SAMD12: variants seen among roughly 807,000 people sequenced by gnomAD.
SAMD12 encodes sterile alpha motif domain-containing protein 12.
SAMD12 carries 9 observed loss-of-function variants against 15.0 expected under a neutral mutation model. The observed-to-expected ratio is 0.60, with a 90% CI of 0.36 to 1.05. The LOEUF (loss-of-function observed/expected upper bound fraction) is 1.05, where lower values mean the gene tolerates loss of function less well. SAMD12 is among the 50% of genes least tolerant of loss of function. The probability of loss-of-function intolerance (pLI) is 0.01; values close to 1 mark genes in which losing one functional copy is unlikely to be tolerated. For missense variants in SAMD12, 230 were observed against 234.2 expected, an observed-to-expected ratio of 0.98 and a Z score of 0.12; for synonymous variants, 86 against 90.1, an observed-to-expected ratio of 0.96 and a Z score of 0.25.
intron 2 of SAMD12, among the ~76,000 whole-genome samples, chr8:118,550,594 T>C (rs1397287847): frequency 6.6e-6 from 1 of 152,118 alleles, no homozygotes; most frequent in African/African-American, 2.4e-5. Context: ...GTAAAGACCA[T>C]CAAGACTAGG....
At chr8:118,603,190 G>C (rs558386366) in intron 1 of SAMD12, among the ~76,000 whole-genome samples, 1 of 152,092 alleles carries the variant, frequency 6.6e-6, no homozygotes, top group Non-Finnish European at 1.5e-5. Context: ...GAGAAAGAAA[G>C]AAGAAAATAC....
intron 3 of SAMD12, among the ~76,000 whole-genome samples, chr8:118,424,434 G>A (rs1265071461): frequency 6.6e-6 from 1 of 152,028 alleles, no homozygotes; most frequent in Non-Finnish European, 1.5e-5. Context: ...AAACATACTT[G>A]GCGAAGGTCA....
intron 4 of SAMD12, among the ~76,000 whole-genome samples, chr8:118,334,669 C>T (rs941547247): frequency 4.6e-5 from 7 of 152,140 alleles, no homozygotes; most frequent in Non-Finnish European, 7.3e-5. Context: ...GATCATGGCT[C>T]ACTGAAGCCT....
At chr8:118,212,927 G>A (rs1217123398) in intron 4 of SAMD12, among the ~76,000 whole-genome samples, 1 of 152,108 alleles carries the variant, frequency 6.6e-6, no homozygotes, top group African/African-American at 2.4e-5. Flanking sequence ...TACGGTAAAT[G>A]AAAGAGCATA....
intron 2 of SAMD12, among the ~76,000 whole-genome samples, chr8:118,475,350 G>A (rs1652727896): frequency 6.6e-6 from 1 of 152,168 alleles, no homozygotes; most frequent in African/African-American, 2.4e-5. Context: ...CATTCTCCAT[G>A]AGTGGAAGCA....
chr8:118,366,662 A>G (rs913198937), intron 4 of SAMD12, among the ~76,000 whole-genome samples: 1 of 151,562 alleles, frequency 6.6e-6, no homozygotes, highest in Non-Finnish European at 1.5e-5. Flanking sequence ...AAAATACAAA[A>G]TTAGCTGGGC....
intron 2 of SAMD12, among the ~76,000 whole-genome samples, chr8:118,474,480 A>G (rs1823898327): frequency 6.6e-6 from 1 of 152,008 alleles, no homozygotes; most frequent in African/African-American, 2.4e-5. Flanking sequence ...TCCTAGGTTC[A>G]AAGGATTCTC....
At chr8:118,456,388 A>G (rs1475231977) in intron 2 of SAMD12, among the ~76,000 whole-genome samples, 1 of 152,192 alleles carries the variant, frequency 6.6e-6, no homozygotes, top group Non-Finnish European at 1.5e-5. Context: ...TATATCCCTT[A>G]TGGTGATCTG....
At chr8:118,499,035 G>A (rs1006147562) in intron 2 of SAMD12, among the ~76,000 whole-genome samples, 2 of 152,176 alleles carry the variant, frequency 1.3e-5, no homozygotes, top group Non-Finnish European at 2.9e-5. Flanking sequence ...GCTAGGTTCT[G>A]CTGCAGTAAT....
intron 4 of SAMD12, among the ~76,000 whole-genome samples, chr8:118,247,039 T>C (rs182180049): frequency 6.6e-6 from 1 of 152,144 alleles, no homozygotes; most frequent in Admixed American, 6.6e-5. Context: ...TGGCTGAATA[T>C]GGAGGATAAG....
intron 4 of SAMD12, among the ~76,000 whole-genome samples, chr8:118,316,562 T>G (rs111754817): frequency 6.6e-6 from 1 of 151,918 alleles, no homozygotes; most frequent in South Asian, 2.1e-4. Flanking sequence ...TTGGAGCTTA[T>G]GTTTAAGGAA....
chr8:118,597,633 T>G (rs1827756394), intron 1 of SAMD12, among the ~76,000 whole-genome samples: 1 of 152,216 alleles, frequency 6.6e-6, no homozygotes, highest in South Asian at 2.1e-4. Context: ...GAGTTGGCTC[T>G]GCCAACTGAT....
At chr8:118,447,395 C>G (rs1188644001) in intron 2 of SAMD12, among the ~76,000 whole-genome samples, 1 of 152,036 alleles carries the variant, frequency 6.6e-6, no homozygotes. Flanking sequence ...CTCTTCCTCC[C>G]AGGTTCAAGA....
At chr8:118,295,280 CTG>C in intron 4 of SAMD12, among the ~76,000 whole-genome samples, 1 of 152,280 alleles carries the variant, frequency 6.6e-6, no homozygotes, top group East Asian at 1.9e-4. Flanking sequence ...TATTTAATCT[CTG>C]TATATACTTT....
chr8:118,468,344 C>T lies in SAMD12; in HGVS notation c.193-28383G>A, dbSNP rs1461558850. On this transcript the variant is annotated intron_variant, in intron 2 of 3. Transcript: ENST00000314727. Reference sequence around the variant, plus strand: ...CTCTGTAAACCAACCAGTTTTCTTACGTTCACAAAAAACCCACTCCTCTTG... The same window carrying T: ...CTCTGTAAACCAACCAGTTTTCTTATGTTCACAAAAAACCCACTCCTCTTG... 4.6e-5 allele frequency among the ~76,000 whole-genome samples: 7 copies of T among 152,042 alleles called. No homozygotes were observed. In the East Asian group the frequency reaches 7.7e-4, roughly 17 times the overall value.
chr8:118,496,372 C>A (rs1824610239), intron 2 of SAMD12, among the ~76,000 whole-genome samples: 1 of 152,082 alleles, frequency 6.6e-6, no homozygotes, highest in Non-Finnish European at 1.5e-5. Flanking sequence ...TAAAAACAGA[C>A]ACAGAGACCA....
chr8:118,156,674 C>T, the SAMD12 span, among the ~76,000 whole-genome samples: 7 of 152,160 alleles, frequency 4.6e-5, no homozygotes, highest in East Asian at 1.4e-3. Flanking sequence ...CTGTGCTAGA[C>T]ATTCATGATA....
At chr8:118,419,009 T>C (rs117006198) in intron 3 of SAMD12, among the ~76,000 whole-genome samples, 327 of 152,348 alleles carry the variant, frequency 2.1e-3, no homozygotes, top group Non-Finnish European at 4.3e-3. Context: ...AAGGAATGAC[T>C]ATGCCTGACA....
At chr8:118,230,135 T>C (rs1277131398) in intron 4 of SAMD12, among the ~76,000 whole-genome samples, 1 of 152,004 alleles carries the variant, frequency 6.6e-6, no homozygotes, top group East Asian at 1.9e-4. Flanking sequence ...ACAATGATAA[T>C]AGGAGCCAAC....
Sources: gnomAD v4.1 joint callset for allele counts (sites outside exome capture counted in the v4.1 genomes callset) on GRCh38, gnomAD v4.1.1 for gene constraint, MANE v1.5 for transcripts, NCBI Gene and HGNC (gene_info 2026-07-23, HGNC 2026-07-21) for gene names.